TBC1D8B: variants seen among roughly 807,000 people sequenced by gnomAD.
The protein encoded by TBC1D8B is RP11-321G1.1.
In TBC1D8B, 75 loss-of-function variants were observed where a neutral mutation model predicts 82.9. The observed-to-expected ratio is 0.90, with a 90% confidence interval of 0.75 to 1.10. The LOEUF is 1.10. TBC1D8B is among the 50% of genes least tolerant of loss of function. TBC1D8B has a pLI of 0.00. For synonymous variants in TBC1D8B, 276 were observed against 276.8 expected, an observed-to-expected ratio of 1.00 and a Z score of 0.03; for missense variants, 794 against 796.9, an observed-to-expected ratio of 1.00 and a Z score of 0.04.
At chrX:106,813,760 G>T (rs1602405829) in intron 1 of TBC1D8B, 1 of 110,675 alleles carries the variant, frequency 9.0e-6, no homozygotes, top group Non-Finnish European at 1.9e-5. Context: ...AGCTCTTTTG[G>T]TTGTCTTTTG....
At chrX:106,812,821 G>A (rs1931417350) in intron 1 of TBC1D8B, among the ~76,000 whole-genome samples, 1 of 111,619 alleles carries the variant, frequency 9.0e-6, no homozygotes, top group Admixed American at 9.5e-5. Context: ...AGATTCAAAT[G>A]AGGACCTTTT....
At chrX:106,807,781 A>G (rs1469195355) in intron 1 of TBC1D8B, among the ~76,000 whole-genome samples, 1 of 111,811 alleles carries the variant, frequency 8.9e-6, no homozygotes, top group Middle Eastern at 4.2e-3. Context: ...GGCTGGGCAC[A>G]GTGGCTCACG....
At chrX:106,865,661 C>CT (rs748673980) in intron 15 of TBC1D8B, 34 bp downstream of exon 15, 242 of 1,120,011 alleles carry the variant, frequency 2.2e-4, no homozygotes, top group African/African-American at 5.7e-4. Context: ...AAAAATAATG[C>CT]TTTTTTTTAG....
rs763362174 is a variant in TBC1D8B, at chrX:106,836,975, G to T, written c.1204-2333G>T. ...TTCAACAAATGGTGCTGAAACAATGGACAGCAACATACTCCCCACCCCCAA... is the reference window on the plus strand; with the variant it reads ...TTCAACAAATGGTGCTGAAACAATGTACAGCAACATACTCCCCACCCCCAA... On this transcript the variant is annotated intron_variant, in intron 7 of 20. Coordinates refer to ENST00000357242, the MANE Select transcript of TBC1D8B (RefSeq NM_017752.3). Among the ~76,000 whole-genome samples the T allele has an allele frequency of 9.0e-5, 10 of 111,233 alleles. No individual in the cohort carries two copies. The East Asian group carries it at 2.8e-3, about 31-fold the overall frequency.
rs145515797 is a variant in TBC1D8B at position 106,873,690 on chromosome X, G to A, written c.3088G>A (p.Gly1030Arg). The stretch of plus-strand genomic sequence containing the variant: ...CCTTTTACTCAGGATGGAAGAAGTT[G>A]GAAGGAAACTACATAGCCCTACATC... ...TSLLLRMEEV[G>R]RKLHSPTSSA... Residue 1030 changes from glycine to arginine, a missense_variant, in exon 21 of 21, where the codon GGA becomes AGA. Coordinates refer to ENST00000357242, the MANE Select transcript of TBC1D8B (RefSeq NM_017752.3). 468 of 1,209,992 alleles carry A rather than the reference G, an allele frequency of 3.9e-4. 1 individual carries two copies. Among genetic ancestry groups the A allele is most frequent in the Admixed American group, 1.8e-3 (81 of 45,762 alleles).
At chrX:106,864,512 C>CTTT (rs771983121) in intron 14 of TBC1D8B, among the ~76,000 whole-genome samples, 11 of 82,469 alleles carry the variant, frequency 1.3e-4, no homozygotes, top group African/African-American at 1.9e-4. Flanking sequence ...TGCTGGGCAC[C>CTTT]TTTTTTTTTT....
intron 3 of TBC1D8B, 48 bp downstream of exon 3, chrX:106,821,043 C>T: frequency 1.4e-6 from 1 of 737,774 alleles, no homozygotes; most frequent in Non-Finnish European, 2.0e-6. Context: ...AAACCTTTGA[C>T]TCTCATGTAT....
At chrX:106,818,813 G>A in intron 2 of TBC1D8B, 40 bp downstream of exon 2, 1 of 1,036,018 alleles carries the variant, frequency 9.7e-7, no homozygotes, top group Non-Finnish European at 1.3e-6. Flanking sequence ...ATTAAATAAG[G>A]GTACTACAAA....
chrX:106,827,434 A>G, intron 7 of TBC1D8B, 97 bp downstream of exon 7: 1 of 951,196 alleles, frequency 1.1e-6, no homozygotes, highest in Non-Finnish European at 1.5e-6. Flanking sequence ...TTTCCTATTT[A>G]TGCCCAGGGG....
rs144822075 is a variant in TBC1D8B at position 106,866,036 on chromosome X, A to G, written c.2662+3A>G. The G allele has an allele frequency of 4.2e-6, 5 of 1,192,167 alleles. No individual in the cohort carries two copies. The highest frequency in any genetic ancestry group is 3.7e-5 in the African/African-American group (2 of 53,906). The stretch of plus-strand genomic sequence containing the variant: ...CAAAGAATTCTCCTCTGCAATTGGT[A>G]AGATGATTTTTTTAAGCAAAAAAAA... On this transcript the variant is annotated splice_donor_region_variant and intron_variant, in intron 16 of 20. Coordinates refer to ENST00000357242, the MANE Select transcript of TBC1D8B (RefSeq NM_017752.3).
intron 10 of TBC1D8B, among the ~76,000 whole-genome samples, chrX:106,846,095 C>CT (rs763406306): frequency 0.02 from 1,426 of 72,221 alleles, 106 homozygotes; most frequent in African/African-American, 0.066. Flanking sequence ...CTCTCTCTCT[C>CT]TTTTTTTTTT....
intron 7 of TBC1D8B, 145 bp downstream of exon 7, chrX:106,827,482 T>A (rs1209803214): frequency 3.5e-6 from 2 of 577,825 alleles, no homozygotes; most frequent in Non-Finnish European, 5.3e-6. Context: ...TTATATTGTC[T>A]AACTCACATC....
intron 7 of TBC1D8B, 142 bp downstream of exon 7, chrX:106,827,479 G>T: frequency 6.7e-6 from 4 of 594,329 alleles, no homozygotes; most frequent in Non-Finnish European, 1.0e-5. Context: ...AAATTATATT[G>T]TCTAACTCAC....
chrX:106,869,974 A>C (rs1033919711), intron 19 of TBC1D8B, among the ~76,000 whole-genome samples: 2 of 112,123 alleles, frequency 1.8e-5, no homozygotes, highest in Non-Finnish European at 3.8e-5. Flanking sequence ...TGTATCTTAA[A>C]CTCTTTGAAT....
At position 106,840,654 on chromosome X, in the gene TBC1D8B, G is replaced by A. The variant is rs1372136548; in HGVS notation, c.1505-16G>A. On this transcript the variant is annotated splice_polypyrimidine_tract_variant and intron_variant, in intron 9 of 20. Coordinates refer to ENST00000357242, the MANE Select transcript of TBC1D8B (RefSeq NM_017752.3). ...TATCCACCTTCTGTTGTATGTTAAT[G>A]TAATAATCTTCACAGGTGCTGTTAA... 3 of 1,184,064 alleles carry A rather than the reference G, an allele frequency of 2.5e-6. No individual in the cohort carries two copies. Among genetic ancestry groups the A allele is most frequent in the Non-Finnish European group, 3.4e-6 (3 of 871,335 alleles).
chrX:106,865,080 G>A (rs764806162), intron 14 of TBC1D8B, among the ~76,000 whole-genome samples: 145 of 110,817 alleles, frequency 1.3e-3, no homozygotes, highest in Non-Finnish European at 2.5e-3. Flanking sequence ...CTTCTTCATG[G>A]AATAGGATAA....
intron 14 of TBC1D8B, 162 bp from the exon 15 acceptor site, chrX:106,865,397 C>T: frequency 3.8e-6 from 1 of 266,664 alleles, no homozygotes; most frequent in Non-Finnish European, 6.5e-6. Flanking sequence ...TAGATAATAA[C>T]TTTATAATAT....
At chrX:106,827,498 GCAGA>G in intron 7 of TBC1D8B, 161 bp downstream of exon 7, 1 of 493,062 alleles carries the variant, frequency 2.0e-6, no homozygotes, top group Admixed American at 4.5e-5. Context: ...ACATCCTTAA[GCAGA>G]AGTGAGAATT....
intron 11 of TBC1D8B, among the ~76,000 whole-genome samples, chrX:106,849,026 C>CT (rs1387762959): frequency 1.9e-5 from 2 of 107,290 alleles, no homozygotes; most frequent in African/African-American, 6.8e-5. Flanking sequence ...ATCCACCCAC[C>CT]TCGGCCTCCC....
Sources: allele counts gnomAD v4.1 joint callset (sites outside exome capture counted in the v4.1 genomes callset), GRCh38; gene constraint gnomAD v4.1.1; transcripts MANE v1.5; gene names NCBI Gene and HGNC (gene_info 2026-07-23, HGNC 2026-07-21).